The following CDH13 variants were observed in gnomAD, a reference collection of about 807,000 sequenced individuals.
CDH13 encodes the protein cadherin 13.
Under a neutral mutation model 63.8 loss-of-function variants are expected in CDH13, and 24 were observed. The ratio of observed to expected loss-of-function variants is 0.38; its 90% CI spans 0.27 to 0.53. The LOEUF (loss-of-function observed/expected upper bound fraction) is 0.53, where lower values mean the gene tolerates loss of function less well. Ranked by LOEUF, CDH13 falls within the 20% of genes least tolerant of loss-of-function variation. The pLI is 0.85. For missense variants in CDH13, 1,049 were observed against 903.1 expected, an observed-to-expected ratio of 1.16 and a Z score of -2.07; for synonymous variants, 503 against 355.3, an observed-to-expected ratio of 1.42 and a Z score of -4.67.
chr16:82,937,386 G>T (rs1351866743), intron 2 of CDH13, among the ~76,000 whole-genome samples: 1 of 151,526 alleles, frequency 6.6e-6, no homozygotes, highest in Non-Finnish European at 1.5e-5. Context: ...CTGTCCCTCT[G>T]TGTCTCTCTC....
At chr16:82,843,233 T>C (rs1567591829) in intron 1 of CDH13, among the ~76,000 whole-genome samples, 1 of 152,222 alleles carries the variant, frequency 6.6e-6, no homozygotes, top group Non-Finnish European at 1.5e-5. Context: ...TGACAATTAG[T>C]GTATATTGTC....
chr16:82,852,081 G>C (rs2039514482), intron 1 of CDH13, among the ~76,000 whole-genome samples: 1 of 152,218 alleles, frequency 6.6e-6, no homozygotes, highest in Non-Finnish European at 1.5e-5. Context: ...TGGTTTAAGA[G>C]GGGATGGAAC....
At chr16:83,098,822 T>C (rs2034332899) in intron 3 of CDH13, among the ~76,000 whole-genome samples, 1 of 152,112 alleles carries the variant, frequency 6.6e-6, no homozygotes, top group Admixed American at 6.6e-5. Flanking sequence ...TTGATTATGA[T>C]AAGAAACATT....
chr16:83,020,250 C>G lies in CDH13; in HGVS notation c.158-11760C>G, dbSNP rs143939550. On this transcript the variant is annotated intron_variant, in intron 2 of 13. Transcript: ENST00000567109. Reference sequence around the variant, plus strand: ...TGTAGGACCTCAATGTATTCTCCTTCCTGGCCTTTTATTCTGGTTATTTCT... The same window carrying G: ...TGTAGGACCTCAATGTATTCTCCTTGCTGGCCTTTTATTCTGGTTATTTCT... Among the ~76,000 whole-genome samples, 532 of 152,070 alleles carry G rather than the reference C, an allele frequency of 3.5e-3. 3 individuals are homozygous for G. Among genetic ancestry groups the G allele is most frequent in the Non-Finnish European group, 6.3e-3 (429 of 67,882 alleles).
intron 4 of CDH13, among the ~76,000 whole-genome samples, chr16:83,183,407 G>C (rs530429880): frequency 6.6e-6 from 1 of 152,284 alleles, no homozygotes; most frequent in South Asian, 2.1e-4. Context: ...CCATGGATTT[G>C]TTTCCTAGGG....
intron 5 of CDH13, among the ~76,000 whole-genome samples, chr16:83,271,634 A>G (rs1287149195): frequency 6.6e-6 from 1 of 151,992 alleles, no homozygotes; most frequent in Non-Finnish European, 1.5e-5. Flanking sequence ...TTTCTCAATT[A>G]CAGTAAGAAA....
intron 11 of CDH13, among the ~76,000 whole-genome samples, chr16:83,754,344 C>G (rs1315584315): frequency 6.6e-6 from 1 of 152,146 alleles, no homozygotes; most frequent in Non-Finnish European, 1.5e-5. Context: ...TAAGATACTC[C>G]AGACTTTCAA....
chr16:83,709,725 G>T (rs535225636), intron 10 of CDH13, among the ~76,000 whole-genome samples: 1 of 152,132 alleles, frequency 6.6e-6, no homozygotes, highest in Non-Finnish European at 1.5e-5. Flanking sequence ...TTTTATTTTT[G>T]CCATCAGGAA....
chr16:82,854,400 C>CAAAA (rs66969029), intron 1 of CDH13, among the ~76,000 whole-genome samples: 1,889 of 111,822 alleles, frequency 0.017, 71 homozygotes, highest in African/African-American at 0.05. Context: ...GGCTCTGTCT[C>CAAAA]AAAAAAAAAA....
chr16:83,707,954 T>C (rs1290744192), intron 10 of CDH13, among the ~76,000 whole-genome samples: 3 of 151,902 alleles, frequency 2.0e-5, no homozygotes, highest in South Asian at 2.1e-4. Context: ...CTCCTGTGAG[T>C]TGGCAAGGGG....
At chr16:83,387,777 C>T (rs1021250108) in intron 6 of CDH13, among the ~76,000 whole-genome samples, 1 of 152,166 alleles carries the variant, frequency 6.6e-6, no homozygotes, top group Non-Finnish European at 1.5e-5. Flanking sequence ...TCTTAGGATG[C>T]CACTGGCTCC....
intron 1 of CDH13, among the ~76,000 whole-genome samples, chr16:82,695,388 A>G (rs1403461341): frequency 6.6e-6 from 1 of 152,150 alleles, no homozygotes; most frequent in African/African-American, 2.4e-5. Context: ...GAGGTTTAAT[A>G]AATTCTTTTT....
intron 6 of CDH13, among the ~76,000 whole-genome samples, chr16:83,424,032 A>G (rs1338148179): frequency 6.6e-6 from 1 of 152,118 alleles, no homozygotes; most frequent in Non-Finnish European, 1.5e-5. Context: ...AGTCTAGAAG[A>G]GGGAAATCCA....
intron 2 of CDH13, among the ~76,000 whole-genome samples, chr16:82,929,651 CAAAAAAAAAA>C (rs71146097): frequency 1.7e-3 from 76 of 44,274 alleles, no homozygotes; most frequent in East Asian, 4.6e-3. Flanking sequence ...GACTCCATCT[CAAAAAAAAAA>C]AAAAAAAAAA....
chr16:82,973,009 G>A (rs184766559), intron 2 of CDH13, among the ~76,000 whole-genome samples: 7 of 152,270 alleles, frequency 4.6e-5, no homozygotes, highest in South Asian at 2.1e-4. Context: ...CCAGAACAAT[G>A]TCAGTCTCGT....
chr16:83,094,871 T>A (rs1039651734), intron 3 of CDH13, among the ~76,000 whole-genome samples: 2 of 152,200 alleles, frequency 1.3e-5, no homozygotes, highest in Non-Finnish European at 2.9e-5. Context: ...ACCTACTTTT[T>A]AAGATAAGTG....
At chr16:82,917,969 G>T (rs2042043415) in intron 2 of CDH13, among the ~76,000 whole-genome samples, 1 of 150,106 alleles carries the variant, frequency 6.7e-6, no homozygotes, top group Non-Finnish European at 1.5e-5. Context: ...GTGAGGAGCA[G>T]CATCCATGAC....
chr16:82,974,186 A>G (rs565123042), intron 2 of CDH13, among the ~76,000 whole-genome samples: 47 of 152,202 alleles, frequency 3.1e-4, no homozygotes, highest in African/African-American at 1.1e-3. Flanking sequence ...TGATGCTCCC[A>G]CCTCGGCCTC....
intron 1 of CDH13, among the ~76,000 whole-genome samples, chr16:82,761,926 T>G (rs1010060638): frequency 5.9e-5 from 9 of 152,224 alleles, no homozygotes; most frequent in Admixed American, 5.2e-4. Flanking sequence ...AAAAATGGTT[T>G]CTGTTTACAC....
Sources: allele counts gnomAD v4.1 joint callset (sites outside exome capture counted in the v4.1 genomes callset), GRCh38; gene constraint gnomAD v4.1.1; transcripts MANE v1.5; gene names NCBI Gene and HGNC (gene_info 2026-07-23, HGNC 2026-07-21).